B3GALT1: variants seen among roughly 807,000 people sequenced by gnomAD.
B3GALT1 encodes the protein beta-1,3-galactosyltransferase 1.
B3GALT1 carries 10 observed loss-of-function variants against 23.2 expected under a neutral mutation model. That is an observed-to-expected ratio of 0.43 (90% confidence interval 0.27 to 0.73). The LOEUF (loss-of-function observed/expected upper bound fraction) is 0.73. Ranked by LOEUF, B3GALT1 falls within the 30% of genes least tolerant of loss-of-function variation. B3GALT1 has a pLI of 0.21. For synonymous variants in B3GALT1, 156 were observed against 141.5 expected, an observed-to-expected ratio of 1.10 and a Z score of -0.73; for missense variants, 299 against 405.4, an observed-to-expected ratio of 0.74 and a Z score of 2.25.
chr2:167,401,135 T>G (rs940768146), intron 1 of B3GALT1, among the ~76,000 whole-genome samples: 2 of 152,096 alleles, frequency 1.3e-5, no homozygotes, highest in African/African-American at 4.8e-5. Context: ...TGGAAAAGCC[T>G]ATGACAAACC....
chr2:167,643,325 A>G (rs1685688252), intron 2 of B3GALT1, among the ~76,000 whole-genome samples: 1 of 152,206 alleles, frequency 6.6e-6, no homozygotes, highest in African/African-American at 2.4e-5. Flanking sequence ...TATAAGTGGC[A>G]TTTAATAATA....
chr2:167,319,723 C>T (rs1195216564), intron 1 of B3GALT1, among the ~76,000 whole-genome samples: 1 of 151,878 alleles, frequency 6.6e-6, no homozygotes, highest in Non-Finnish European at 1.5e-5. Flanking sequence ...GTTTGTAATT[C>T]CTTAGACATA....
At chr2:167,518,140 A>G (rs900211674) in intron 2 of B3GALT1, among the ~76,000 whole-genome samples, 1 of 152,086 alleles carries the variant, frequency 6.6e-6, no homozygotes, top group Non-Finnish European at 1.5e-5. Context: ...AATTCCATCG[A>G]GGATCCAAAT....
At chr2:167,754,956 C>A (rs1003167411) in intron 3 of B3GALT1, among the ~76,000 whole-genome samples, 1 of 152,184 alleles carries the variant, frequency 6.6e-6, no homozygotes, top group Non-Finnish European at 1.5e-5. Flanking sequence ...GTGTGCAGAG[C>A]CGAGCCATGC....
intron 2 of B3GALT1, among the ~76,000 whole-genome samples, chr2:167,522,333 CTCT>C (rs1377492912): frequency 6.6e-6 from 1 of 152,018 alleles, no homozygotes; most frequent in Non-Finnish European, 1.5e-5. Context: ...CTGGGTTTGC[CTCT>C]TCTTCTCCCA....
intron 3 of B3GALT1, among the ~76,000 whole-genome samples, chr2:167,717,815 C>G (rs1320825949): frequency 1.3e-5 from 2 of 152,106 alleles, no homozygotes; most frequent in African/African-American, 4.8e-5. Context: ...TTTTTCCAGC[C>G]ATACATGAAG....
chr2:167,760,052 G>A (rs547722916), intron 3 of B3GALT1, among the ~76,000 whole-genome samples: 1 of 152,202 alleles, frequency 6.6e-6, no homozygotes, highest in African/African-American at 2.4e-5. Flanking sequence ...CTCAACCCAA[G>A]GTACTAGTTT....
At chr2:167,851,329 G>C (rs895329609) in intron 4 of B3GALT1, among the ~76,000 whole-genome samples, 2 of 151,956 alleles carry the variant, frequency 1.3e-5, no homozygotes, top group Non-Finnish European at 2.9e-5. Flanking sequence ...ATTAGAACTC[G>C]TTTAAAAAGC....
intron 2 of B3GALT1, among the ~76,000 whole-genome samples, chr2:167,599,542 G>C (rs985746233): frequency 6.6e-6 from 1 of 152,184 alleles, no homozygotes; most frequent in African/African-American, 2.4e-5. Flanking sequence ...TTTTCATGAT[G>C]CATGTGTTGG....
At chr2:167,854,600 GCTGCTCA>G (rs1348229735) in intron 4 of B3GALT1, among the ~76,000 whole-genome samples, 1 of 152,156 alleles carries the variant, frequency 6.6e-6, no homozygotes, top group Non-Finnish European at 1.5e-5. Flanking sequence ...GCCATCTCAT[GCTGCTCA>G]CTTCTCCATC....
At chr2:167,464,252 T>C (rs960485514) in intron 1 of B3GALT1, among the ~76,000 whole-genome samples, 1 of 152,144 alleles carries the variant, frequency 6.6e-6, no homozygotes, top group African/African-American at 2.4e-5. Flanking sequence ...ATGGCCCTGC[T>C]TCAGTAGTAT....
At chr2:167,754,957 C>T (rs1056708653) in intron 3 of B3GALT1, among the ~76,000 whole-genome samples, 2 of 152,106 alleles carry the variant, frequency 1.3e-5, no homozygotes, top group African/African-American at 4.8e-5. Context: ...TGTGCAGAGC[C>T]GAGCCATGCA....
intron 4 of B3GALT1, among the ~76,000 whole-genome samples, chr2:167,839,918 A>T (rs1433942387): frequency 6.6e-6 from 1 of 152,134 alleles, no homozygotes; most frequent in Non-Finnish European, 1.5e-5. Context: ...GAGAAAAACA[A>T]GCAATGGGGA....
chr2:167,490,712 CTTG>C (rs893675624), intron 2 of B3GALT1, among the ~76,000 whole-genome samples: 1 of 152,210 alleles, frequency 6.6e-6, no homozygotes, highest in African/African-American at 2.4e-5. Flanking sequence ...TCTGTAAACA[CTTG>C]TGTTGGGGAG....
intron 3 of B3GALT1, among the ~76,000 whole-genome samples, chr2:167,745,957 ACTCT>A (rs1687645714): frequency 6.6e-6 from 1 of 151,826 alleles, no homozygotes; most frequent in African/African-American, 2.4e-5. Context: ...ATATCTCTTA[ACTCT>A]CTCTAATAAT....
chr2:167,603,296 G>T (rs111263577), intron 2 of B3GALT1, among the ~76,000 whole-genome samples: 1 of 152,252 alleles, frequency 6.6e-6, no homozygotes, highest in Non-Finnish European at 1.5e-5. Flanking sequence ...GGACCCAGGC[G>T]CAAGAGTCAG....
intron 3 of B3GALT1, among the ~76,000 whole-genome samples, chr2:167,653,288 C>T (rs1685897551): frequency 6.6e-6 from 1 of 152,070 alleles, no homozygotes; most frequent in Non-Finnish European, 1.5e-5. Flanking sequence ...CAATTGTGGT[C>T]AATGTGGACA....
At chr2:167,825,437 G>GGGGTGTGT (rs1553491807) in intron 4 of B3GALT1, among the ~76,000 whole-genome samples, 6 of 144,568 alleles carry the variant, frequency 4.2e-5, no homozygotes, top group East Asian at 4.0e-4. Context: ...TATATGCAGG[G>GGGGTGTGT]GTGTGTGTGT....
chr2:167,864,506 G>A (rs1279669269), intron 4 of B3GALT1, among the ~76,000 whole-genome samples: 2 of 152,224 alleles, frequency 1.3e-5, no homozygotes, highest in Non-Finnish European at 2.9e-5. Context: ...CAAGGCTACA[G>A]TGAGCTGTGA....
Sources: allele counts gnomAD v4.1 joint callset (sites outside exome capture counted in the v4.1 genomes callset), GRCh38; gene constraint gnomAD v4.1.1; transcripts MANE v1.5; gene names NCBI Gene and HGNC (gene_info 2026-07-23, HGNC 2026-07-21).